The following ZFAT variants were observed in gnomAD, a reference collection of about 807,000 sequenced individuals.
ZFAT encodes the protein zinc finger protein ZFAT.
Under a neutral mutation model 117.7 loss-of-function variants are expected in ZFAT, and 64 were observed. That is an observed-to-expected ratio of 0.54 (90% CI 0.44 to 0.67). ZFAT has a LOEUF of 0.67. Among genes scored for constraint, ZFAT ranks in the 30% least tolerant of loss-of-function variants. The pLI is 0.00. For missense variants in ZFAT, 1,433 were observed against 1,584.5 expected (o/e 0.90, Z 1.62); for synonymous variants, 679 against 615.0 (o/e 1.10, Z -1.54).
the ZFAT span, among the ~76,000 whole-genome samples, chr8:134,822,229 G>A: frequency 1.3e-5 from 2 of 152,168 alleles, no homozygotes; most frequent in South Asian, 2.1e-4. Flanking sequence ...CTGACCAATC[G>A]TATAAGCATT....
intron 15 of ZFAT, among the ~76,000 whole-genome samples, chr8:134,485,601 G>T (rs1817609329): frequency 6.6e-6 from 1 of 151,656 alleles, no homozygotes; most frequent in Admixed American, 6.5e-5. Context: ...AGTGGCCCGT[G>T]GGGACACTTG....
At chr8:134,493,197 A>G (rs796147170) in intron 15 of ZFAT, among the ~76,000 whole-genome samples, 12 of 152,286 alleles carry the variant, frequency 7.9e-5, no homozygotes, top group African/African-American at 2.9e-4. Flanking sequence ...GGGTCTCTGC[A>G]ACACTGAGAC....
the ZFAT span, among the ~76,000 whole-genome samples, chr8:134,778,280 G>T: frequency 6.6e-6 from 1 of 152,212 alleles, no homozygotes; most frequent in Non-Finnish European, 1.5e-5. Context: ...GATATGGAGA[G>T]AAGGCATATG....
At chr8:134,518,972 T>C (rs1820442627) in intron 13 of ZFAT, among the ~76,000 whole-genome samples, 1 of 152,206 alleles carries the variant, frequency 6.6e-6, no homozygotes, top group Non-Finnish European at 1.5e-5. Context: ...ATTGGGTCTA[T>C]TCTAAATTTT....
chr8:134,815,861 C>A, the ZFAT span, among the ~76,000 whole-genome samples: 12 of 152,302 alleles, frequency 7.9e-5, no homozygotes, highest in African/African-American at 2.9e-4. Flanking sequence ...TTTATTACCA[C>A]GCACTCTTTG....
At chr8:134,614,982 A>G (rs1029644138) in intron 3 of ZFAT, among the ~76,000 whole-genome samples, 3 of 152,220 alleles carry the variant, frequency 2.0e-5, no homozygotes, top group African/African-American at 7.2e-5. Flanking sequence ...AAGGAGAAAG[A>G]GTGAAAAATA....
chr8:134,530,977 C>T (rs1002795352), intron 12 of ZFAT, among the ~76,000 whole-genome samples: 10 of 152,080 alleles, frequency 6.6e-5, no homozygotes, highest in Non-Finnish European at 1.3e-4. Context: ...GTCCTGGAAC[C>T]AATCCCCCAT....
chr8:134,738,727 G>A, the ZFAT span, among the ~76,000 whole-genome samples: 132,475 of 152,046 alleles, frequency 0.87, 57,965 homozygotes, highest in Non-Finnish European at 0.89. Context: ...GCTAATGAAC[G>A]AGGAGGGGGA....
chr8:134,731,005 G>A, the ZFAT span, among the ~76,000 whole-genome samples: 4 of 152,192 alleles, frequency 2.6e-5, no homozygotes, highest in Admixed American at 6.5e-5. Flanking sequence ...ATTGCCGGAG[G>A]TGTCCAAGCA....
intron 15 of ZFAT, among the ~76,000 whole-genome samples, chr8:134,493,846 T>C (rs1054276890): frequency 6.6e-6 from 1 of 152,114 alleles, no homozygotes; most frequent in East Asian, 1.9e-4. Flanking sequence ...ACCCAGCTTA[T>C]AGTAGGCACT....
At chr8:134,484,744 C>T (rs1042558650) in intron 15 of ZFAT, among the ~76,000 whole-genome samples, 14 of 152,236 alleles carry the variant, frequency 9.2e-5, no homozygotes, top group African/African-American at 2.2e-4. Flanking sequence ...TGGGCAGGGG[C>T]GAACGCCAAG....
At chr8:134,660,878 C>T (rs533722882) in intron 1 of ZFAT, among the ~76,000 whole-genome samples, 1 of 152,354 alleles carries the variant, frequency 6.6e-6, no homozygotes, top group African/African-American at 2.4e-5. Flanking sequence ...TCAGCTATTC[C>T]ACACCACCTG....
At chr8:134,586,463 G>T (rs540341150) in intron 9 of ZFAT, among the ~76,000 whole-genome samples, 2 of 152,164 alleles carry the variant, frequency 1.3e-5, no homozygotes, top group African/African-American at 4.8e-5. Flanking sequence ...ATCATACATG[G>T]TGAGGGTGGG....
At chr8:134,818,082 G>T in the ZFAT span, among the ~76,000 whole-genome samples, 1 of 151,728 alleles carries the variant, frequency 6.6e-6, no homozygotes, top group Admixed American at 6.6e-5. Flanking sequence ...CTTGAATTAC[G>T]CAAAAAAAAC....
chr8:134,629,714 T>C (rs1478391864), intron 3 of ZFAT, among the ~76,000 whole-genome samples: 2 of 152,224 alleles, frequency 1.3e-5, no homozygotes, highest in African/African-American at 4.8e-5. Flanking sequence ...ACTTCTGCAA[T>C]GATTGTAAGT....
chr8:134,547,955 G>A (rs149579187), intron 11 of ZFAT, among the ~76,000 whole-genome samples: 1 of 152,332 alleles, frequency 6.6e-6, no homozygotes, highest in African/African-American at 2.4e-5. Context: ...GCAACTGTGA[G>A]AGGAGGGAAG....
the ZFAT span, among the ~76,000 whole-genome samples, chr8:134,748,239 C>A: frequency 1.3e-5 from 2 of 152,168 alleles, no homozygotes; most frequent in East Asian, 3.8e-4. Flanking sequence ...CTCTTCCACC[C>A]TCCAGAAGTA....
chr8:134,668,198 A>C (rs915239510), intron 1 of ZFAT, among the ~76,000 whole-genome samples: 1 of 152,242 alleles, frequency 6.6e-6, no homozygotes, highest in Non-Finnish European at 1.5e-5. Context: ...ATAGCCGAAC[A>C]AAAGCAGCAG....
chr8:134,636,575 C>A (rs1463472679), intron 3 of ZFAT, among the ~76,000 whole-genome samples: 1 of 152,132 alleles, frequency 6.6e-6, no homozygotes, highest in East Asian at 1.9e-4. Flanking sequence ...AGCCGTAACC[C>A]AGAGCCTATG....
Sources: gnomAD v4.1 joint callset for allele counts (sites outside exome capture counted in the v4.1 genomes callset) on GRCh38, gnomAD v4.1.1 for gene constraint, MANE v1.5 for transcripts, NCBI Gene and HGNC (gene_info 2026-07-23, HGNC 2026-07-21) for gene names.